The following PDE1C variants were observed in gnomAD, a reference collection of about 807,000 sequenced individuals.
PDE1C encodes phosphodiesterase 1C.
In PDE1C, 62 loss-of-function variants were observed where a neutral mutation model predicts 93.1. That is an observed-to-expected ratio of 0.67 (90% CI 0.54 to 0.82). PDE1C has a LOEUF of 0.82. Among genes scored for constraint, PDE1C ranks in the 40% least tolerant of loss-of-function variants. PDE1C has a pLI of 0.00. For synonymous variants in PDE1C, 325 were observed against 310.1 expected, an observed-to-expected ratio of 1.05 and a Z score of -0.50; for missense variants, 742 against 884.6, an observed-to-expected ratio of 0.84 and a Z score of 2.04.
the PDE1C span, among the ~76,000 whole-genome samples, chr7:31,633,271 T>C: frequency 6.6e-6 from 1 of 152,184 alleles, no homozygotes; most frequent in East Asian, 1.9e-4. Context: ...CATTCTGCAC[T>C]ACTCCAAGGA....
At chr7:32,353,742 G>A (rs893469522) in intron 1 of PDE1C, among the ~76,000 whole-genome samples, 2 of 151,316 alleles carry the variant, frequency 1.3e-5, no homozygotes, top group African/African-American at 4.9e-5. Flanking sequence ...GAGAGGAACT[G>A]GAGCTTGGAG....
At chr7:32,022,997 G>C (rs978780007) in intron 2 of PDE1C, among the ~76,000 whole-genome samples, 6 of 150,750 alleles carry the variant, frequency 4.0e-5, no homozygotes, top group Non-Finnish European at 8.8e-5. Context: ...AAGCAAACCG[G>C]AAGAGGCTTT....
intron 17 of PDE1C, among the ~76,000 whole-genome samples, chr7:31,769,976 C>T (rs972660164): frequency 1.3e-5 from 2 of 152,150 alleles, no homozygotes; most frequent in Non-Finnish European, 2.9e-5. Flanking sequence ...TTTTGAAAAA[C>T]AGCCAAACTG....
the PDE1C span, among the ~76,000 whole-genome samples, chr7:31,714,435 C>G: frequency 2.0e-5 from 3 of 152,184 alleles, no homozygotes; most frequent in African/African-American, 7.2e-5. Context: ...ATTTTCCTGT[C>G]TTCTTCTGAG....
At chr7:31,811,447 T>C (rs1210895191) in intron 15 of PDE1C, among the ~76,000 whole-genome samples, 1 of 152,052 alleles carries the variant, frequency 6.6e-6, no homozygotes, top group Admixed American at 6.6e-5. Flanking sequence ...GGATTTTAAG[T>C]GCAGGACATG....
chr7:32,195,943 C>G (rs953052861), intron 2 of PDE1C, among the ~76,000 whole-genome samples: 1 of 152,110 alleles, frequency 6.6e-6, no homozygotes, highest in African/African-American at 2.4e-5. Context: ...TCTCTACTGA[C>G]ACTGTGTATG....
chr7:31,980,914 G>A (rs924375544), intron 2 of PDE1C, among the ~76,000 whole-genome samples: 3 of 152,134 alleles, frequency 2.0e-5, no homozygotes, highest in Non-Finnish European at 2.9e-5. Flanking sequence ...GCAGCCCTGC[G>A]ATGATGGTGG....
chr7:32,193,221 G>C (rs1804358700), intron 2 of PDE1C, among the ~76,000 whole-genome samples: 2 of 151,974 alleles, frequency 1.3e-5, no homozygotes, highest in African/African-American at 2.4e-5. Flanking sequence ...GAACATTCTT[G>C]CCTTGTTCTC....
chr7:31,720,347 G>C, the PDE1C span, among the ~76,000 whole-genome samples: 1 of 152,172 alleles, frequency 6.6e-6, no homozygotes, highest in African/African-American at 2.4e-5. Context: ...TTGAGAGCAG[G>C]GTCAGAAAGC....
intron 2 of PDE1C, among the ~76,000 whole-genome samples, chr7:32,024,024 A>G (rs532923862): frequency 5.5e-4 from 83 of 152,286 alleles, no homozygotes; most frequent in African/African-American, 2.0e-3. Flanking sequence ...GCATTTCCCC[A>G]TACATTTCTT....
chr7:32,205,795 G>A lies in PDE1C; in HGVS notation c.136+3694C>T, dbSNP rs146245725. ...CCCCAAGGAAAACAACTCCAGACAT[G>A]CCACCTTTAAGAGCTGTAACAGTCA... On this transcript the variant is annotated intron_variant, in intron 2 of 18. Transcript: ENST00000396193. 1.6e-3 allele frequency among the ~76,000 whole-genome samples: 238 copies of A among 152,260 alleles called. 1 individual carries two copies. The highest frequency in any genetic ancestry group is 5.5e-3 in the African/African-American group (229 of 41,548).
the PDE1C span, among the ~76,000 whole-genome samples, chr7:31,674,150 T>C: frequency 6.6e-6 from 1 of 152,218 alleles, no homozygotes; most frequent in East Asian, 1.9e-4. Context: ...TTCATGTTCT[T>C]TCCTAATCAG....
intron 3 of PDE1C, among the ~76,000 whole-genome samples, chr7:32,088,614 A>G (rs990479276): frequency 6.6e-6 from 1 of 152,226 alleles, no homozygotes; most frequent in Non-Finnish European, 1.5e-5. Context: ...ATTGCAATTG[A>G]TGGCGCTCGC....
chr7:32,179,119 T>C (rs1307150760), intron 2 of PDE1C, among the ~76,000 whole-genome samples: 1 of 152,202 alleles, frequency 6.6e-6, no homozygotes, highest in East Asian at 1.9e-4. Context: ...CATCACACTG[T>C]GTTTATTACT....
In PDE1C at chr7:32,169,615, A is replaced by C. The variant is rs977623; in HGVS notation, c.308+170T>G. ...AAGATCTTCACTACATTCAGGAAAT[A>C]CAGCCAGAAGTCCAGCTAGCATTGA... On this transcript the variant is annotated intron_variant, in intron 3 of 18. Transcript: ENST00000396193. Among the ~76,000 whole-genome samples the C allele has an allele frequency of 0.31, 46,673 of 152,066 alleles. 7,385 individuals carry two copies. The highest frequency in any genetic ancestry group is 0.44 in the East Asian group (2,248 of 5,164).
At chr7:31,747,695 G>T (rs1794034880), downstream of PDE1C, among the ~76,000 whole-genome samples, 1 of 152,096 alleles carries the variant, frequency 6.6e-6, no homozygotes, top group Non-Finnish European at 1.5e-5. Context: ...TGGGCAAGTT[G>T]GTGGGCAGGG....
At chr7:31,934,824 AG>A (rs1331387050) in intron 2 of PDE1C, among the ~76,000 whole-genome samples, 1 of 152,194 alleles carries the variant, frequency 6.6e-6, no homozygotes, top group Non-Finnish European at 1.5e-5. Flanking sequence ...GTTCTTTTAT[AG>A]GATCTCTGTG....
chr7:31,827,574 T>A (rs1326073067), intron 12 of PDE1C, among the ~76,000 whole-genome samples: 1 of 152,074 alleles, frequency 6.6e-6, no homozygotes, highest in Non-Finnish European at 1.5e-5. Context: ...GCCCAATATA[T>A]GAAGACTCAA....
chr7:32,157,221 C>T (rs1407463745), intron 3 of PDE1C, among the ~76,000 whole-genome samples: 1 of 152,174 alleles, frequency 6.6e-6, no homozygotes, highest in Non-Finnish European at 1.5e-5. Context: ...TCTTCAACCC[C>T]CCTCCCTATT....
Sources: allele counts gnomAD v4.1 joint callset (sites outside exome capture counted in the v4.1 genomes callset), GRCh38; gene constraint gnomAD v4.1.1; transcripts MANE v1.5; gene names NCBI Gene and HGNC (gene_info 2026-07-23, HGNC 2026-07-21).